The following FSHR variants were observed in gnomAD, a reference collection of about 807,000 sequenced individuals.
FSHR encodes the protein follicle stimulating hormone receptor, also known as follicle-stimulating hormone receptor.
FSHR carries 46 observed loss-of-function variants against 52.1 expected under a neutral mutation model. The ratio of observed to expected loss-of-function variants is 0.88; its 90% CI spans 0.70 to 1.13. The LOEUF (loss-of-function observed/expected upper bound fraction) is 1.13. Among genes scored for constraint, FSHR ranks in the 50% most tolerant of loss-of-function variants. FSHR has a pLI of 0.00. For synonymous variants in FSHR, 399 were observed against 309.6 expected (o/e 1.29, Z -3.03); for missense variants, 964 against 834.6 (o/e 1.16, Z -1.91).
At chr2:49,036,142 T>C (rs1668264473) in intron 2 of FSHR, among the ~76,000 whole-genome samples, 2 of 152,230 alleles carry the variant, frequency 1.3e-5, no homozygotes. Context: ...TGGACATTAA[T>C]CAACATCTGT....
chr2:49,127,741 C>CTTCTTCTTCT (rs1672059500), intron 1 of FSHR, among the ~76,000 whole-genome samples: 4 of 78,354 alleles, frequency 5.1e-5, no homozygotes, highest in African/African-American at 2.6e-4. Flanking sequence ...TGCATGATTT[C>CTTCTTCTTCT]TTCTTCTTCT....
intron 1 of FSHR, among the ~76,000 whole-genome samples, chr2:49,151,351 T>G (rs1194098184): frequency 1.3e-4 from 20 of 152,028 alleles, no homozygotes; most frequent in Admixed American, 1.3e-3. Flanking sequence ...ACTTGCAGTT[T>G]TTGGTGAAGT....
chr2:49,084,298 G>A lies in FSHR; in HGVS notation c.153-16008C>T, dbSNP rs578159320. On this transcript the variant is annotated intron_variant, in intron 1 of 9. Coordinates refer to ENST00000406846, the MANE Select transcript of FSHR (RefSeq NM_000145.4). ...AATAAAGATGTTCTTTGAAACCAACGAGAACAAAGACACAACATACCAGAA... is the reference window on the plus strand; with the variant it reads ...AATAAAGATGTTCTTTGAAACCAACAAGAACAAAGACACAACATACCAGAA... Among the ~76,000 whole-genome samples the A allele has an allele frequency of 1.7e-3, 263 of 151,950 alleles. 2 individuals carry two copies. Among genetic ancestry groups the A allele is most frequent in the African/African-American group, 6.1e-3 (253 of 41,462 alleles).
Position 49,093,366 on chromosome 2 carries a change from C to T in FSHR, c.153-25076G>A, listed in dbSNP as rs183757440. Among the ~76,000 whole-genome samples, 9 of 152,228 alleles carry T rather than the reference C, an allele frequency of 5.9e-5. No homozygotes were observed. The East Asian group carries it at 9.7e-4, about 16-fold the overall frequency. On this transcript the variant is annotated intron_variant, in intron 1 of 9. Transcript: ENST00000406846. Reference sequence around the variant, plus strand: ...GTATCAGTTTGTGATTCATGTATATCGAAGAAATGTTGTTAGGTGCATACA... The same window carrying T: ...GTATCAGTTTGTGATTCATGTATATTGAAGAAATGTTGTTAGGTGCATACA...
At chr2:49,035,264 C>A (rs1200303056) in intron 2 of FSHR, among the ~76,000 whole-genome samples, 1 of 152,208 alleles carries the variant, frequency 6.6e-6, no homozygotes, top group African/African-American at 2.4e-5. Flanking sequence ...TCCTTGTATG[C>A]AACTTGCTCC....
At chr2:49,104,080 G>A (rs1489801361) in intron 1 of FSHR, among the ~76,000 whole-genome samples, 1 of 152,056 alleles carries the variant, frequency 6.6e-6, no homozygotes, top group Non-Finnish European at 1.5e-5. Context: ...AATCATGCCA[G>A]TAAGAGTATA....
At chr2:49,108,385 C>T (rs1433928847) in intron 1 of FSHR, among the ~76,000 whole-genome samples, 1 of 152,108 alleles carries the variant, frequency 6.6e-6, no homozygotes, top group African/African-American at 2.4e-5. Flanking sequence ...TTTGGTTTCT[C>T]TGGAGAACCC....
chr2:49,093,423 T>G (rs1309111422), intron 1 of FSHR, among the ~76,000 whole-genome samples: 1 of 152,164 alleles, frequency 6.6e-6, no homozygotes, highest in Non-Finnish European at 1.5e-5. Context: ...GACCTTTTTG[T>G]CATTCTGCAA....
At chr2:49,067,071 A>C (rs1260851777) in intron 2 of FSHR, among the ~76,000 whole-genome samples, 2 of 152,118 alleles carry the variant, frequency 1.3e-5, no homozygotes, top group Non-Finnish European at 2.9e-5. Context: ...CTCTCCTGCA[A>C]CATGGAGATA....
At chr2:49,021,028 A>G (rs1259215847) in intron 2 of FSHR, among the ~76,000 whole-genome samples, 1 of 152,194 alleles carries the variant, frequency 6.6e-6, no homozygotes, top group Non-Finnish European at 1.5e-5. Context: ...AGGTGCAGCA[A>G]ACCACCATGA....
intron 6 of FSHR, among the ~76,000 whole-genome samples, chr2:48,988,002 A>T (rs1381523372): frequency 6.6e-6 from 1 of 152,026 alleles, no homozygotes; most frequent in Non-Finnish European, 1.5e-5. Flanking sequence ...CATACATTCA[A>T]TTTCTATGCT....
chr2:49,129,290 C>T (rs963086510), intron 1 of FSHR, among the ~76,000 whole-genome samples: 3 of 152,080 alleles, frequency 2.0e-5, no homozygotes, highest in African/African-American at 7.2e-5. Flanking sequence ...GCCTCCCTGC[C>T]CTCACAGCCA....
intron 1 of FSHR, among the ~76,000 whole-genome samples, chr2:49,127,256 A>G (rs1377636681): frequency 1.3e-5 from 2 of 151,978 alleles, no homozygotes; most frequent in Admixed American, 1.3e-4. Context: ...TGAACCTGGG[A>G]GGCAGAGATT....
At chr2:49,138,833 T>C (rs1429292053) in intron 1 of FSHR, among the ~76,000 whole-genome samples, 1 of 152,196 alleles carries the variant, frequency 6.6e-6, no homozygotes, top group Non-Finnish European at 1.5e-5. Flanking sequence ...AAGATTGTAT[T>C]GTATGTGAGT....
intron 2 of FSHR, among the ~76,000 whole-genome samples, chr2:49,027,146 C>T (rs1451030781): frequency 3.9e-5 from 6 of 152,200 alleles, no homozygotes; most frequent in Non-Finnish European, 8.8e-5. Flanking sequence ...TTCTCTCCAC[C>T]ATTTTTGTCC....
chr2:49,031,773 C>T (rs1012239982), intron 2 of FSHR, among the ~76,000 whole-genome samples: 4 of 152,052 alleles, frequency 2.6e-5, no homozygotes, highest in African/African-American at 9.7e-5. Flanking sequence ...CTCTGAGCCT[C>T]GGTTTTCTCA....
chr2:49,152,779 A>G (rs574475096), intron 1 of FSHR, among the ~76,000 whole-genome samples: 273 of 152,312 alleles, frequency 1.8e-3, no homozygotes, highest in Middle Eastern at 3.4e-3. Flanking sequence ...AGTGTTCACA[A>G]CAATTCAACC....
At chr2:49,132,218 A>C (rs1453976769) in intron 1 of FSHR, among the ~76,000 whole-genome samples, 1 of 152,116 alleles carries the variant, frequency 6.6e-6, no homozygotes, top group Non-Finnish European at 1.5e-5. Flanking sequence ...GAAGATGCTG[A>C]ACTCAGGACT....
At chr2:49,119,618 T>C (rs1489871991) in intron 1 of FSHR, among the ~76,000 whole-genome samples, 5 of 152,338 alleles carry the variant, frequency 3.3e-5, no homozygotes, top group Non-Finnish European at 7.3e-5. Flanking sequence ...GCAGGATTTT[T>C]GTACCAATAT....
Sources: gnomAD v4.1 joint callset for allele counts (sites outside exome capture counted in the v4.1 genomes callset) on GRCh38, gnomAD v4.1.1 for gene constraint, MANE v1.5 for transcripts, NCBI Gene and HGNC (gene_info 2026-07-23, HGNC 2026-07-21) for gene names.